KREMEN1: variants seen among roughly 807,000 people sequenced by gnomAD.
KREMEN1 encodes the protein kremen protein 1.
A neutral mutation model predicts 46.5 loss-of-function variants in KREMEN1; 30 were observed. The ratio of observed to expected loss-of-function variants is 0.65; its 90% CI spans 0.48 to 0.88. KREMEN1 has a LOEUF of 0.88. KREMEN1 is among the 40% of genes least tolerant of loss of function. KREMEN1 has a pLI of 0.00. For synonymous variants in KREMEN1, 214 were observed against 230.6 expected, an observed-to-expected ratio of 0.93 and a Z score of 0.65; for missense variants, 533 against 596.9, an observed-to-expected ratio of 0.89 and a Z score of 1.11.
intron 3 of KREMEN1, chr22:29,099,179 G>T (rs1333779784): frequency 2.2e-6 from 1 of 460,086 alleles, no homozygotes; most frequent in African/African-American, 2.0e-5. Context: ...CCCTTGATGG[G>T]TAAGCCCCAT....
downstream of KREMEN1, among the ~76,000 whole-genome samples, chr22:29,149,750 T>A (rs1004878115): frequency 6.6e-6 from 1 of 152,174 alleles, no homozygotes; most frequent in Non-Finnish European, 1.5e-5. Context: ...CCCATCTGAG[T>A]GGACTCTGGG....
chr22:29,144,449 A>G lies in KREMEN1; in HGVS notation c.*2337A>G, dbSNP rs2038820819. The G allele has an allele frequency of 1.0e-6, 1 of 985,628 alleles. No homozygotes were observed. Among genetic ancestry groups the G allele is most frequent in the Non-Finnish European group, 1.2e-6 (1 of 830,050 alleles). The allele number at this position is 985,628 out of a possible 1,614,324, so 61.1% of individuals were successfully genotyped here. On this transcript the variant is annotated 3_prime_UTR_variant, in exon 9 of 9. Coordinates refer to ENST00000400335, the MANE Select transcript of KREMEN1 (RefSeq NM_001039570.3). Reference sequence around the variant, plus strand: ...GCCCCGTGGGAGGCCTGCTGAGGGCACAGAGCTGCTCGGTGCAGCCTTCAT... The same window carrying G: ...GCCCCGTGGGAGGCCTGCTGAGGGCGCAGAGCTGCTCGGTGCAGCCTTCAT...
Position 29,131,732 on chromosome 22 carries a change from ATATGTG to A in KREMEN1, c.632-5606_632-5601del, listed in dbSNP as rs1261219545. Among the ~76,000 whole-genome samples the A allele has an allele frequency of 3.1e-4, 43 of 139,074 alleles. 1 individual carries two copies. The highest frequency in any genetic ancestry group is 1.2e-3 in the African/African-American group (41 of 35,146). The allele number at this position is 139,074 out of a possible 152,430, so 91.2% of individuals were successfully genotyped here. The stretch of plus-strand genomic sequence containing the variant: ...TATGTATATATGTATATATATGTAT[ATATGTG>A]TATATATATGTATATATGTATATAT... On this transcript the variant is annotated intron_variant, in intron 5 of 8. Coordinates refer to ENST00000400335, the MANE Select transcript of KREMEN1 (RefSeq NM_001039570.3).
At chr22:29,080,941 CTTTT>C (rs71313000) in intron 1 of KREMEN1, among the ~76,000 whole-genome samples, 4 of 112,270 alleles carry the variant, frequency 3.6e-5, no homozygotes, top group Admixed American at 9.2e-5. Context: ...TTTTTTTGTC[CTTTT>C]TTTTTTTTTT....
chr22:29,137,948 A>T (rs895197309), intron 6 of KREMEN1, among the ~76,000 whole-genome samples: 4 of 152,220 alleles, frequency 2.6e-5, no homozygotes, highest in African/African-American at 4.8e-5. Flanking sequence ...AAAAGAATTT[A>T]AAAAAACAGA....
intron 9 of KREMEN1, among the ~76,000 whole-genome samples, chr22:29,161,389 C>G (rs900660126): frequency 5.3e-5 from 8 of 151,364 alleles, no homozygotes; most frequent in Non-Finnish European, 1.0e-4. Context: ...CGCCTGTAGT[C>G]CCAACTACTT....
At chr22:29,158,922 G>A (rs997279747) in intron 9 of KREMEN1, among the ~76,000 whole-genome samples, 1 of 151,832 alleles carries the variant, frequency 6.6e-6, no homozygotes, top group African/African-American at 2.4e-5. Context: ...GGGTTCAAGC[G>A]ATTCTCCTGC....
At chr22:29,124,176 A>G (rs917568596) in intron 4 of KREMEN1, among the ~76,000 whole-genome samples, 2 of 152,230 alleles carry the variant, frequency 1.3e-5, no homozygotes, top group South Asian at 2.1e-4. Context: ...ACAGCCCAAC[A>G]GATAAACAAG....
intron 1 of KREMEN1, among the ~76,000 whole-genome samples, chr22:29,085,343 T>A (rs1444570212): frequency 6.6e-6 from 1 of 152,238 alleles, no homozygotes; most frequent in African/African-American, 2.4e-5. Context: ...TTCATTCCCC[T>A]TACTACATTA....
At chr22:29,113,787 G>A (rs537677027) in intron 3 of KREMEN1, among the ~76,000 whole-genome samples, 46 of 152,180 alleles carry the variant, frequency 3.0e-4, no homozygotes, top group Non-Finnish European at 6.2e-4. Context: ...CCACTCCTGA[G>A]CCACAGTGTG....
chr22:29,162,911 G>A (rs1481471689), intron 9 of KREMEN1, among the ~76,000 whole-genome samples: 1 of 152,040 alleles, frequency 6.6e-6, no homozygotes, highest in South Asian at 2.1e-4. Flanking sequence ...TATACATTGT[G>A]GAATACTACA....
chr22:29,115,165 G>A (rs991988588), intron 3 of KREMEN1, among the ~76,000 whole-genome samples: 2 of 151,936 alleles, frequency 1.3e-5, no homozygotes, highest in South Asian at 4.2e-4. Flanking sequence ...TATATTCCAA[G>A]TGTGAAGGAA....
rs1009815057 is a variant in KREMEN1 at position 29,138,561 on chromosome 22, T to G, written c.965-63T>G. 6 of 1,500,166 alleles carry G rather than the reference T, an allele frequency of 4.0e-6. No homozygotes were observed. In the African/African-American group the frequency reaches 6.9e-5, roughly 17 times the overall value. The allele number at this position is 1,500,166 out of a possible 1,614,324, so 92.9% of individuals were successfully genotyped here. On this transcript the variant is annotated intron_variant, in intron 6 of 8. Transcript: ENST00000400335. The stretch of plus-strand genomic sequence containing the variant: ...CTCTTCTTCATAACTCGTGCTCTCC[T>G]CCCGCACAACTCTTTGTTGTCTCCA...
chr22:29,123,987 A>C (rs2038400067), intron 4 of KREMEN1, among the ~76,000 whole-genome samples: 1 of 152,160 alleles, frequency 6.6e-6, no homozygotes, highest in Admixed American at 6.5e-5. Context: ...GCAGATCTAG[A>C]ATGGTAGTCA....
In KREMEN1 at chr22:29,143,464, C is replaced by T. The variant is rs554231399; in HGVS notation, c.*1352C>T. 165 of 985,302 alleles carry T rather than the reference C, an allele frequency of 1.7e-4. No homozygotes were observed. In the East Asian group the frequency reaches 2.5e-3, roughly 15 times the overall value. 61.0% of individuals were successfully genotyped at this position (985,302 alleles called of 1,614,324 possible). ...AAAAGATAAAAAACACCCCAAGGGC[C>T]GGGCGCGGTGGCTCATGCCTGTAAT... On this transcript the variant is annotated 3_prime_UTR_variant, in exon 9 of 9. Coordinates refer to ENST00000400335, the MANE Select transcript of KREMEN1 (RefSeq NM_001039570.3).
In KREMEN1 at chr22:29,137,446, A is replaced by ATCCGGGTTCCGGGGGCC. The variant is rs765094682; in HGVS notation, c.740_756dup (p.His253GlyfsTer35). The ATCCGGGTTCCGGGGGCC allele has an allele frequency of 1.2e-5, 19 of 1,602,586 alleles. No individual in the cohort carries two copies. Among genetic ancestry groups the ATCCGGGTTCCGGGGGCC allele is most frequent in the Non-Finnish European group, 1.5e-5 (18 of 1,170,522 alleles). On this transcript the variant is annotated frameshift_variant, in exon 6 of 9. Transcript: ENST00000400335. LOFTEE classifies it high-confidence loss of function. ...CACGGGGAGGGTCTGCTACTGGACC[A>ATCCGGGTTCCGGGGGCC]TCCGGGTTCCGGGGGCCTCCCACAT...
At position 29,121,374 on chromosome 22, in the gene KREMEN1, T is replaced by C; in HGVS notation, c.370T>C (p.Cys124Arg). The change falls in exon 4 of 9, where the codon TGC (cysteine) becomes CGC (arginine). Residue 124 changes from cysteine (C) to arginine (R), a missense_variant. By Grantham distance (180) the Cys-to-Arg change is radical. Transcript: ENST00000400335. ...PACQMPGNLG[C>R]YKDHGNPPPL... ...TTCTTTAGTGCCTGGAAACCTTGGC[T>C]GCTACAAGGATCATGGAAACCCACC... is the stretch of plus-strand genomic sequence containing the variant. The C allele has an allele frequency of 6.2e-7, 1 of 1,614,052 alleles. No homozygotes were observed. The highest frequency in any genetic ancestry group is 8.5e-7 in the Non-Finnish European group (1 of 1,179,990).
chr22:29,126,578 A>G (rs1398789475), intron 5 of KREMEN1, among the ~76,000 whole-genome samples: 2 of 152,198 alleles, frequency 1.3e-5, no homozygotes, highest in African/African-American at 2.4e-5. Context: ...TTAATTTAGT[A>G]TAGCCTCATC....
Position 29,085,200 on chromosome 22 carries a change from G to A in KREMEN1, c.98-9058G>A, listed in dbSNP as rs80275241. On this transcript the variant is annotated intron_variant, in intron 1 of 8. Coordinates refer to ENST00000400335, the MANE Select transcript of KREMEN1 (RefSeq NM_001039570.3). ...ACATGTTGGTAACTATTTTCAAGAT[G>A]TTCTTTGAAAAATTTTTTATTATGG... Among the ~76,000 whole-genome samples the A allele has an allele frequency of 0.016, 2,511 of 152,276 alleles. 164 individuals are homozygous for A. The South Asian group carries it at 0.19, about 11-fold the overall frequency.
Sources: gnomAD v4.1 joint callset for allele counts (sites outside exome capture counted in the v4.1 genomes callset) on GRCh38, gnomAD v4.1.1 for gene constraint, MANE v1.5 for transcripts, NCBI Gene and HGNC (gene_info 2026-07-23, HGNC 2026-07-21) for gene names.